MEF2D: variants seen among roughly 807,000 people sequenced by gnomAD.
The protein encoded by MEF2D is myocyte-specific enhancer factor 2D.
Under a neutral mutation model 59.3 loss-of-function variants are expected in MEF2D, and 10 were observed. The ratio of observed to expected loss-of-function variants is 0.17; its 90% CI spans 0.10 to 0.29. The LOEUF (loss-of-function observed/expected upper bound fraction) is 0.29. MEF2D is among the 10% of genes least tolerant of loss of function. The probability of loss-of-function intolerance (pLI) is 1.00; values close to 1 mark genes in which losing one functional copy is unlikely to be tolerated. For missense variants in MEF2D, 508 were observed against 699.4 expected (o/e 0.73, Z 3.09); for synonymous variants, 305 against 295.0 (o/e 1.03, Z -0.35).
chr1:156,499,683 A>G (rs1366035990), intron 1 of MEF2D: 1 of 151,234 alleles, frequency 6.6e-6, no homozygotes, highest in Non-Finnish European at 1.5e-5. Flanking sequence ...TCCGCCTGCC[A>G]TAGGTGGAAA....
Position 156,477,049 on chromosome 1 carries a change from A to T in MEF2D, c.818T>A (p.Ile273Asn), listed in dbSNP as rs1456497487. Reference sequence around the variant, plus strand: ...TAACCCCTTTCCTGCCTGGGAAGTGATGACTCGCAGGTCGGGCTTGCGGCT... The same window carrying T: ...TAACCCCTTTCCTGCCTGGGAAGTGTTGACTCGCAGGTCGGGCTTGCGGCT... ...APSRKPDLRV[I>N]TSQAGKGLMH... is the part of the protein sequence containing the mutation. Residue 273 changes from isoleucine (I) to asparagine (N), a missense_variant, in exon 7 of 12, where the codon ATC (isoleucine) becomes AAC (asparagine). Physicochemically the swap from Ile to Asn is moderately radical, Grantham distance 149. Coordinates refer to ENST00000348159, the MANE Select transcript of MEF2D (RefSeq NM_005920.4). 1 of 1,613,868 alleles carries T rather than the reference A, an allele frequency of 6.2e-7. No homozygotes were observed. Among genetic ancestry groups the T allele is most frequent in the East Asian group, 2.2e-5 (1 of 44,864 alleles).
chr1:156,487,860 G>A (rs1367082693), intron 1 of MEF2D, among the ~76,000 whole-genome samples: 3 of 152,182 alleles, frequency 2.0e-5, no homozygotes, highest in African/African-American at 4.8e-5. Flanking sequence ...GGAAGCCCTC[G>A]CAGATGATCC....
intron 2 of MEF2D, 118 bp from the exon 3 acceptor site, chr1:156,482,758 ACAC>A: frequency 1.1e-6 from 1 of 924,020 alleles, no homozygotes; most frequent in Non-Finnish European, 1.7e-6. Context: ...TCTCAGTGTG[ACAC>A]AGCCCCTGGT....
chr1:156,486,576 CCT>C (rs1672377775), intron 1 of MEF2D, among the ~76,000 whole-genome samples: 1 of 152,170 alleles, frequency 6.6e-6, no homozygotes, highest in African/African-American at 2.4e-5. Flanking sequence ...AGAGATGTAA[CCT>C]CTGTCAGCTG....
chr1:156,475,296 C>T (rs1423373512), intron 8 of MEF2D, 59 bp from the exon 9 acceptor site: 39 of 1,511,906 alleles, frequency 2.6e-5, no homozygotes, highest in Admixed American at 6.7e-5. Context: ...TTATGTTGGC[C>T]CTCCATCCCA....
intron 1 of MEF2D, among the ~76,000 whole-genome samples, chr1:156,491,898 G>C (rs539022267): frequency 6.6e-6 from 1 of 152,364 alleles, no homozygotes; most frequent in South Asian, 2.1e-4. Flanking sequence ...GACACCAAGT[G>C]GAGTTCTTGG....
At chr1:156,469,829 T>C (rs1671116468) in intron 9 of MEF2D, among the ~76,000 whole-genome samples, 1 of 151,780 alleles carries the variant, frequency 6.6e-6, no homozygotes, top group African/African-American at 2.4e-5. Context: ...GAGGCTGCAG[T>C]GAGCTATGAT....
Position 156,483,385 on chromosome 1 carries a change from A to G in MEF2D, c.-93T>C. ...ACACTGTGCTCATGAACGGTCTGGG[A>G]ACAGTGCTCAGTTCATGGTCTGCAG... On this transcript the variant is annotated 5_prime_UTR_variant, in exon 2 of 12. Transcript: ENST00000348159. 8.3e-7 allele frequency: 1 copy of G among 1,205,572 alleles called. No individual in the cohort carries two copies. The highest frequency in any genetic ancestry group is 1.2e-6 in the Non-Finnish European group (1 of 810,452). The allele number at this position is 1,205,572 out of a possible 1,614,324, so 74.7% of individuals were successfully genotyped here.
At chr1:156,490,664 C>T (rs2102229036) in intron 1 of MEF2D, 1 of 152,500 alleles carries the variant, frequency 6.6e-6, no homozygotes, top group East Asian at 1.9e-4. Flanking sequence ...CAGGAACCGA[C>T]TTGCCAAGGG....
chr1:156,468,284 C>T lies in MEF2D; in HGVS notation c.1263G>A (p.Leu421=), dbSNP rs757380039. 1.3e-6 allele frequency: 2 copies of T among 1,558,650 alleles called. No individual in the cohort carries two copies. The highest frequency in any genetic ancestry group is 2.7e-5 in the African/African-American group (2 of 73,482). ...SLSNLIPGSP[L]PHVGAALTVT... is the part of the protein sequence containing the mutation. ...CTGTGAGGGCAGCACCCACGTGGGG[C>T]AGGGGGCTGCCCGGGCTGGAGGCAG... Residue 421 remains leucine, a synonymous_variant, in exon 11 of 12, where the codon CTG becomes CTA. Coordinates refer to ENST00000348159, the MANE Select transcript of MEF2D (RefSeq NM_005920.4). This position sits in a 1 kb window ranked among gnomAD's most constrained non-coding sequence, Gnocchi z 4.3.
chr1:156,480,707 G>A (rs532112413), intron 4 of MEF2D, 127 bp downstream of exon 4: 27 of 1,608,212 alleles, frequency 1.7e-5, no homozygotes, highest in African/African-American at 5.3e-5. Flanking sequence ...TTTCTCTTCC[G>A]TCTGGGGGGT....
intron 8 of MEF2D, among the ~76,000 whole-genome samples, chr1:156,475,575 C>G (rs1006983038): frequency 6.6e-6 from 1 of 152,240 alleles, no homozygotes; most frequent in Non-Finnish European, 1.5e-5. Context: ...CTCTCTGGAG[C>G]CCACTCTCCA....
At chr1:156,480,713 G>T (rs1671943644) in intron 4 of MEF2D, 121 bp downstream of exon 4, 1 of 1,610,280 alleles carries the variant, frequency 6.2e-7, no homozygotes, top group East Asian at 2.2e-5. Context: ...TTCCGTCTGG[G>T]GGGTCAGGGC....
At chr1:156,473,404 G>T (rs148114578) in intron 9 of MEF2D, among the ~76,000 whole-genome samples, 1 of 152,178 alleles carries the variant, frequency 6.6e-6, no homozygotes, top group East Asian at 1.9e-4. Flanking sequence ...GCTTGGGGAA[G>T]GGGGAGAAGT....
In MEF2D at chr1:156,488,473, C is replaced by T. The variant is rs576730811; in HGVS notation, c.-138-5043G>A. ...GGCAGGAGGCCCCTCTGACAACACC[C>T]TTGACAAAGAGAGCTGAGGGGACCA... On this transcript the variant is annotated intron_variant, in intron 1 of 11. Transcript: ENST00000348159. 3.3e-4 allele frequency among the ~76,000 whole-genome samples: 50 copies of T among 152,242 alleles called. No homozygotes were observed. The South Asian group carries it at 9.5e-3, about 29-fold the overall frequency.
chr1:156,497,214 C>T (rs1205511830), intron 1 of MEF2D, among the ~76,000 whole-genome samples: 2 of 152,252 alleles, frequency 1.3e-5, no homozygotes, highest in African/African-American at 2.4e-5. Flanking sequence ...CCCCTCCCTC[C>T]ATGAGTAAGT....
At chr1:156,491,807 G>A (rs141055319) in intron 1 of MEF2D, among the ~76,000 whole-genome samples, 18 of 152,318 alleles carry the variant, frequency 1.2e-4, no homozygotes, top group East Asian at 3.9e-4. Flanking sequence ...TTTGCATAGC[G>A]TCTCTGACCT....
chr1:156,469,548 G>A (rs1010992548), intron 9 of MEF2D, among the ~76,000 whole-genome samples: 3 of 149,162 alleles, frequency 2.0e-5, no homozygotes, highest in African/African-American at 5.0e-5. Flanking sequence ...ATGAGCCACC[G>A]CATCCGACCA....
intron 6 of MEF2D, among the ~76,000 whole-genome samples, chr1:156,478,584 G>A (rs1671776039): frequency 6.6e-6 from 1 of 152,132 alleles, no homozygotes; most frequent in African/African-American, 2.4e-5. Context: ...GGGCTGGAGT[G>A]CAATGGCATG....
Sources: allele counts gnomAD v4.1 joint callset (sites outside exome capture counted in the v4.1 genomes callset), GRCh38; gene constraint gnomAD v4.1.1; non-coding constraint Gnocchi (gnomAD v3.1); transcripts MANE v1.5; gene names NCBI Gene and HGNC (gene_info 2026-07-23, HGNC 2026-07-21).